The following PARP15 variants were observed in gnomAD, a reference collection of about 807,000 sequenced individuals.
PARP15 encodes the protein poly(ADP-ribose) polymerase family member 15.
Under a neutral mutation model 62.1 loss-of-function variants are expected in PARP15, and 50 were observed. The ratio of observed to expected loss-of-function variants is 0.81; its 90% CI spans 0.64 to 1.02. PARP15 has a LOEUF of 1.02. Among genes scored for constraint, PARP15 ranks in the 50% least tolerant of loss-of-function variants. The probability of loss-of-function intolerance (pLI) is 0.00; values close to 1 mark genes in which losing one functional copy is unlikely to be tolerated. For synonymous variants in PARP15, 309 were observed against 293.1 expected (o/e 1.05, Z -0.55); for missense variants, 820 against 826.5 (o/e 0.99, Z 0.10).
At chr3:122,613,960 C>T (rs924925203) in intron 4 of PARP15, among the ~76,000 whole-genome samples, 1 of 151,684 alleles carries the variant, frequency 6.6e-6, no homozygotes, top group African/African-American at 2.4e-5. Flanking sequence ...ATCCTCCCAT[C>T]TTAGCCTCCC....
rs1410442856 is a variant in PARP15 at position 122,636,651 on chromosome 3, A to C, written c.*551A>C. On this transcript the variant is annotated 3_prime_UTR_variant, in exon 12 of 12. Coordinates refer to ENST00000464300, the MANE Select transcript of PARP15 (RefSeq NM_001113523.3). The stretch of plus-strand genomic sequence containing the variant: ...CTGTTTACATTTCAGGTAAAAATGT[A>C]TCGCATTGTTATCTAATATTAAAAA... 6.5e-6 allele frequency: 1 copy of C among 153,572 alleles called. No individual in the cohort carries two copies. Among genetic ancestry groups the C allele is most frequent in the African/African-American group, 2.4e-5 (1 of 41,464 alleles). 9.5% of individuals were successfully genotyped at this position (153,572 alleles called of 1,614,324 possible).
intron 1 of PARP15, among the ~76,000 whole-genome samples, chr3:122,590,868 T>C (rs991990101): frequency 5.3e-5 from 8 of 152,242 alleles, no homozygotes; most frequent in Admixed American, 2.6e-4. Flanking sequence ...ATCTGCAGAC[T>C]GCCCTTTTGT....
intron 4 of PARP15, among the ~76,000 whole-genome samples, chr3:122,614,630 T>C (rs1187188121): frequency 6.6e-6 from 1 of 152,246 alleles, no homozygotes; most frequent in African/African-American, 2.4e-5. Context: ...CTGTTCGTGA[T>C]ATCTGTGTCC....
At chr3:122,612,309 C>T (rs756985179) in intron 3 of PARP15, among the ~76,000 whole-genome samples, 2 of 151,988 alleles carry the variant, frequency 1.3e-5, no homozygotes, top group South Asian at 2.1e-4. Flanking sequence ...CCCACCTCAG[C>T]CTCCCAAAGT....
At position 122,611,214 on chromosome 3, in the gene PARP15, G is replaced by A. The variant is rs1318218289; in HGVS notation, c.543+484G>A. 5.3e-5 allele frequency among the ~76,000 whole-genome samples: 8 copies of A among 152,222 alleles called. No individual in the cohort carries two copies. In the South Asian group the frequency reaches 1.0e-3, roughly 20 times the overall value. Reference sequence around the variant, plus strand: ...AACATCATTCCCACCTCCACTACCAGTTTAATTTCCCAACTTTTTTTCAGA... The same window carrying A: ...AACATCATTCCCACCTCCACTACCAATTTAATTTCCCAACTTTTTTTCAGA... On this transcript the variant is annotated intron_variant, in intron 3 of 11. Transcript: ENST00000464300.
Position 122,577,685 on chromosome 3 carries a change from C to A in PARP15, c.18C>A (p.Pro6=). The A allele has an allele frequency of 2.6e-6, 4 of 1,551,588 alleles. No individual in the cohort carries two copies. The highest frequency in any genetic ancestry group is 4.9e-5 in the East Asian group (2 of 40,912). ...AGCTGAGGATGGCTGCGCCAGGCCC[C>A]CTTCCTGCCGCTGCTCTGAGTCCAG... is the stretch of plus-strand genomic sequence containing the variant. MAAPG[P]LPAAALSPGA... The change falls in exon 1 of 12, where the codon CCC becomes CCA. Residue 6 remains proline (P), a synonymous_variant. Coordinates refer to ENST00000464300, the MANE Select transcript of PARP15 (RefSeq NM_001113523.3).
rs567545967 is a variant in PARP15, at chr3:122,603,945, G to A, written c.187-1991G>A. Among the ~76,000 whole-genome samples the A allele has an allele frequency of 1.2e-4, 18 of 152,346 alleles. No homozygotes were observed. The East Asian group carries it at 3.5e-3, about 29-fold the overall frequency. ...TTTCATGGATTACCTCTGACCAAAT[G>A]ATAATTGTTGCCTGGAGCTCTGTGT... On this transcript the variant is annotated intron_variant, in intron 1 of 11. Transcript: ENST00000464300.
At chr3:122,624,124 A>C (rs969962496) in intron 8 of PARP15, among the ~76,000 whole-genome samples, 3 of 151,730 alleles carry the variant, frequency 2.0e-5, no homozygotes, top group Non-Finnish European at 2.9e-5. Flanking sequence ...GCACTCCAGC[A>C]TGGGCAACAA....
chr3:122,582,603 A>C (rs1165578352), intron 1 of PARP15, among the ~76,000 whole-genome samples: 7 of 151,846 alleles, frequency 4.6e-5, no homozygotes, highest in Non-Finnish European at 7.4e-5. Flanking sequence ...TTTTTTCTTT[A>C]ATTGCTGTTC....
Position 122,626,913 on chromosome 3 carries a change from T to C in PARP15, c.1318T>C (p.Leu440=). ...DFSSQHSTPS[L]KTVKVVIFQP... is the part of the protein sequence containing the mutation. ...CTCATCACAACATTCCACCCCATCATTAAAAACAGTTAAAGTTGTCATTTT... is the reference window on the plus strand; with the variant it reads ...CTCATCACAACATTCCACCCCATCACTAAAAACAGTTAAAGTTGTCATTTT... The change falls in exon 9 of 12, where the codon TTA becomes CTA. Residue 440 remains leucine, a synonymous_variant. Transcript: ENST00000464300. The C allele has an allele frequency of 6.2e-7, 1 of 1,614,012 alleles. No homozygotes were observed. The highest frequency in any genetic ancestry group is 8.5e-7 in the Non-Finnish European group (1 of 1,179,944).
chr3:122,617,547 T>C (rs1283634283), intron 6 of PARP15, among the ~76,000 whole-genome samples: 5 of 152,226 alleles, frequency 3.3e-5, no homozygotes, highest in Admixed American at 6.5e-5. Context: ...TTATGTAACC[T>C]ACTTGGCATT....
At chr3:122,579,326 G>A (rs182962930) in intron 1 of PARP15, among the ~76,000 whole-genome samples, 1 of 151,936 alleles carries the variant, frequency 6.6e-6, no homozygotes, top group Admixed American at 6.5e-5. Context: ...ATGCTTTGAT[G>A]TTTTCTTTCA....
intron 2 of PARP15, among the ~76,000 whole-genome samples, chr3:122,608,233 T>C (rs200959446): frequency 0.051 from 7,405 of 146,512 alleles, 320 homozygotes; most frequent in African/African-American, 0.15. Context: ...TTTTTTTTTT[T>C]TGATACTGAG....
In PARP15 at chr3:122,605,970, T is replaced by C; in HGVS notation, c.221T>C (p.Leu74Pro). ...AACAAGTTCAGCAAGAAAGATTGTC[T>C]TTCAATCAGGAATGTTGTAGCTTCA... ...RDNKFSKKDC[L>P]SIRNVVASIQ... The change falls in exon 2 of 12, where the codon CTT (leucine) becomes CCT (proline). Residue 74 changes from leucine to proline, a missense_variant. Transcript: ENST00000464300. 2 of 1,551,812 alleles carry C rather than the reference T, an allele frequency of 1.3e-6. No homozygotes were observed. Among genetic ancestry groups the C allele is most frequent in the Non-Finnish European group, 1.7e-6 (2 of 1,146,938 alleles).
At chr3:122,621,638 A>T in intron 8 of PARP15, 27 bp downstream of exon 8, 1 of 1,549,260 alleles carries the variant, frequency 6.5e-7, no homozygotes, top group Non-Finnish European at 8.7e-7. Context: ...TCTATAATAA[A>T]ATTTGAGTGA....
At position 122,594,928 on chromosome 3, in the gene PARP15, A is replaced by G. The variant is rs116711875; in HGVS notation, c.187-11008A>G. The G allele has an allele frequency of 2.5e-3, 2,242 of 912,378 alleles. 43 individuals are homozygous for G. In the African/African-American group the frequency reaches 0.035, roughly 14 times the overall value. 56.5% of individuals were successfully genotyped at this position (912,378 alleles called of 1,614,324 possible). A position where few individuals can be genotyped will look rare whatever the true frequency, so the allele number is the denominator to read the frequency against. ...AAAAATGGAAGAGAAAGAGTAACCAATGTTCAGTATTTCCCAGAGGAGGGT... is the reference window on the plus strand; with the variant it reads ...AAAAATGGAAGAGAAAGAGTAACCAGTGTTCAGTATTTCCCAGAGGAGGGT... On this transcript the variant is annotated intron_variant, in intron 1 of 11. Transcript: ENST00000464300.
At chr3:122,621,218 C>G (rs998056273) in intron 7 of PARP15, 1 of 462,830 alleles carries the variant, frequency 2.2e-6, no homozygotes, top group Admixed American at 3.9e-5. Context: ...AGATAAAGTA[C>G]TTTTGAACAG....
chr3:122,626,809 A>G lies in PARP15; in HGVS notation c.1232-18A>G, dbSNP rs761178022. 1.2e-6 allele frequency: 2 copies of G among 1,604,442 alleles called. No individual in the cohort carries two copies. Among genetic ancestry groups the G allele is most frequent in the South Asian group, 1.1e-5 (1 of 89,080 alleles). ...CAACATCGGGGGAAACTTCTTTGTCATTAAATTTTTTTTTCAGGAAATGCC... is the reference window on the plus strand; with the variant it reads ...CAACATCGGGGGAAACTTCTTTGTCGTTAAATTTTTTTTTCAGGAAATGCC... On this transcript the variant is annotated intron_variant, in intron 8 of 11. Transcript: ENST00000464300.
intron 6 of PARP15, among the ~76,000 whole-genome samples, chr3:122,617,427 T>C (rs1204269489): frequency 1.3e-5 from 2 of 152,210 alleles, no homozygotes; most frequent in South Asian, 2.1e-4. Context: ...TGTTAACTGA[T>C]ATAAAGGTGG....
Sources: gnomAD v4.1 joint callset for allele counts (sites outside exome capture counted in the v4.1 genomes callset) on GRCh38, gnomAD v4.1.1 for gene constraint, MANE v1.5 for transcripts, NCBI Gene and HGNC (gene_info 2026-07-23, HGNC 2026-07-21) for gene names.